Variants in MTA3 observed in about 807,000 individuals in gnomAD.
The protein encoded by MTA3 is metastasis associated 1 family member 3, also known as metastasis-associated protein MTA3.
A neutral mutation model predicts 83.5 loss-of-function variants in MTA3; 34 were observed. The observed-to-expected ratio is 0.41, with a 90% CI of 0.31 to 0.54. The LOEUF (loss-of-function observed/expected upper bound fraction) is 0.54, where lower values mean the gene tolerates loss of function less well. Among genes scored for constraint, MTA3 ranks in the 20% least tolerant of loss-of-function variants. MTA3 has a pLI of 0.33. For missense variants in MTA3, 761 were observed against 726.4 expected (o/e 1.05, Z -0.55); for synonymous variants, 303 against 252.7 (o/e 1.20, Z -1.89).
In MTA3 at chr2:42,541,183, C is replaced by G. The variant is rs535774351; in HGVS notation, c.-140-29254C>G. On this transcript the variant is annotated intron_variant, in intron 2 of 17. Transcript: ENST00000405592. ...AGTAGCTGGGATTACAGGCATGCAC[C>G]ACCATGCCCGGCTAATTTTGTATTT... 2.8e-4 allele frequency among the ~76,000 whole-genome samples: 42 copies of G among 152,154 alleles called. 1 individual carries two copies. Among genetic ancestry groups the G allele is most frequent in the African/African-American group, 1.0e-3 (42 of 41,510 alleles).
chr2:42,722,764 G>C, intron 15 of MTA3, 125 bp from the exon 16 acceptor site: 1 of 1,130,926 alleles, frequency 8.8e-7, no homozygotes, highest in Non-Finnish European at 1.2e-6. Flanking sequence ...CAAGTCCTTG[G>C]CTGGCTCAGG....
chr2:42,681,888 C>T (rs2104436529), intron 8 of MTA3, among the ~76,000 whole-genome samples: 1 of 146,126 alleles, frequency 6.8e-6, no homozygotes, highest in East Asian at 2.0e-4. Flanking sequence ...AAGAGCCTAT[C>T]TCAAAAAAAG....
rs868686238 is a variant in MTA3 at position 42,568,682 on chromosome 2, G to T, written c.-64G>T. The T allele has an allele frequency of 1.4e-4, 167 of 1,176,686 alleles. No homozygotes were observed. The Middle Eastern group carries it at 4.3e-3, about 30-fold the overall frequency. The allele number at this position is 1,176,686 out of a possible 1,614,324, so 72.9% of individuals were successfully genotyped here. A position where few individuals can be genotyped will look rare whatever the true frequency, so the allele number is the denominator to read the frequency against. On this transcript the variant is annotated 5_prime_UTR_variant, in exon 1 of 17. Transcript: ENST00000405094. ...GGCGGCAGCGGCGGTCGCGGCTGAG[G>T]CTGAGGAGGAGGCGGCGGCGGCGGG...
At chr2:42,680,058 A>G (rs1232225549) in intron 8 of MTA3, 3 of 152,604 alleles carry the variant, frequency 2.0e-5, no homozygotes, top group Non-Finnish European at 4.4e-5. Context: ...ACTGAGAAGA[A>G]TCCTATCTGG....
intron 16 of MTA3, among the ~76,000 whole-genome samples, chr2:42,737,760 C>G (rs1034388790): frequency 6.6e-6 from 1 of 152,154 alleles, no homozygotes; most frequent in Non-Finnish European, 1.5e-5. Flanking sequence ...TGCCCAAAGT[C>G]GCATTGCTAG....
chr2:42,704,511 C>T (rs969676402), intron 12 of MTA3, among the ~76,000 whole-genome samples, 193 bp downstream of exon 12: 1 of 152,164 alleles, frequency 6.6e-6, no homozygotes, highest in African/African-American at 2.4e-5. Flanking sequence ...TTATTACGTA[C>T]CACACACTCA....
rs184910286 is a variant in MTA3, at chr2:42,528,609, A to C, written c.-141+33355A>C. On this transcript the variant is annotated intron_variant, in intron 2 of 17. Transcript: ENST00000405592. ...GTAAAGGAGCACAGTTTTTAGAGACAGACCTGGTCATTTGAATCTTGGCTT... is the reference window on the plus strand; with the variant it reads ...GTAAAGGAGCACAGTTTTTAGAGACCGACCTGGTCATTTGAATCTTGGCTT... 2.2e-3 allele frequency among the ~76,000 whole-genome samples: 337 copies of C among 152,340 alleles called. 2 individuals are homozygous for C. Among genetic ancestry groups the C allele is most frequent in the African/African-American group, 6.9e-3 (286 of 41,570 alleles).
chr2:42,749,669 T>C (rs1190119946), intron 16 of MTA3, among the ~76,000 whole-genome samples: 1 of 152,094 alleles, frequency 6.6e-6, no homozygotes, highest in African/African-American at 2.4e-5. Flanking sequence ...GGTTTTGTCG[T>C]GTTGGCCAGG....
chr2:42,566,995 G>A (rs1677942205), upstream of MTA3, among the ~76,000 whole-genome samples: 1 of 152,164 alleles, frequency 6.6e-6, no homozygotes. Context: ...GAATGTTTTT[G>A]GTGGGATCTC....
At chr2:42,519,654 G>C (rs960289003) in intron 2 of MTA3, among the ~76,000 whole-genome samples, 1 of 150,878 alleles carries the variant, frequency 6.6e-6, no homozygotes, top group African/African-American at 2.4e-5. Flanking sequence ...ACGCATCTTA[G>C]TCCCAGCTAC....
In MTA3 at chr2:42,697,810, T is replaced by C; in HGVS notation, c.1001T>C (p.Leu334Pro). 1 of 1,545,300 alleles carries C rather than the reference T, an allele frequency of 6.5e-7. No homozygotes were observed. Among genetic ancestry groups the C allele is most frequent in the Non-Finnish European group, 8.7e-7 (1 of 1,147,520 alleles). ...AAAGCAGCAGAAGCTGAGAGTAAACTGAAACAAGTATATATCCCAACCTAG... is the reference window on the plus strand; with the variant it reads ...AAAGCAGCAGAAGCTGAGAGTAAACCGAAACAAGTATATATCCCAACCTAG... ...RLKAAEAESKLKQVYIPTYSK... is the reference protein window; with the variant it reads ...RLKAAEAESKPKQVYIPTYSK... Residue 334 changes from leucine to proline, a missense_variant, in exon 11 of 17, where the codon CTG (leucine) becomes CCG (proline). Leu to Pro is a moderately conservative substitution (Grantham distance 98). Coordinates refer to ENST00000405094, the MANE Select transcript of MTA3 (RefSeq NM_001330442.2).
chr2:42,703,580 TA>T (rs1474574093), intron 11 of MTA3: 35 of 152,350 alleles, frequency 2.3e-4, no homozygotes, highest in Admixed American at 1.7e-3. Flanking sequence ...TTATAAACGA[TA>T]ACTTGTCTCT....
At chr2:42,672,977 G>A (rs1304859760) in intron 8 of MTA3, among the ~76,000 whole-genome samples, 1 of 151,758 alleles carries the variant, frequency 6.6e-6, no homozygotes, top group Admixed American at 6.6e-5. Flanking sequence ...CTCCCAAGTG[G>A]CTGGGATTAC....
chr2:42,520,685 C>T (rs969223542), intron 2 of MTA3, among the ~76,000 whole-genome samples: 2 of 151,970 alleles, frequency 1.3e-5, no homozygotes, highest in South Asian at 2.1e-4. Flanking sequence ...CCCACCTCAA[C>T]GTCCCAAGTA....
At chr2:42,528,338 G>A (rs972161307) in intron 2 of MTA3, among the ~76,000 whole-genome samples, 4 of 151,956 alleles carry the variant, frequency 2.6e-5, no homozygotes, top group Non-Finnish European at 5.9e-5. Context: ...TCCTGCCTCA[G>A]CCTCCCAAGT....
chr2:42,542,429 A>G lies in MTA3; in HGVS notation c.-140-28008A>G, dbSNP rs116060162. Among the ~76,000 whole-genome samples, 671 of 152,362 alleles carry G rather than the reference A, an allele frequency of 4.4e-3. 4 individuals carry two copies. Among genetic ancestry groups the G allele is most frequent in the African/African-American group, 0.015 (639 of 41,586 alleles). On this transcript the variant is annotated intron_variant, in intron 2 of 17. Transcript: ENST00000405592. The stretch of plus-strand genomic sequence containing the variant: ...ATTAGTCAGGGTTCTTTAGAGGGAC[A>G]GAACCAATGGAATATATATATTCAA...
chr2:42,560,623 G>T (rs1240321365), intron 2 of MTA3, among the ~76,000 whole-genome samples: 1 of 151,142 alleles, frequency 6.6e-6, no homozygotes, highest in African/African-American at 2.4e-5. Context: ...AAAACCCCAG[G>T]GCGTGGCACG....
chr2:42,581,172 TTATGA>T (rs1259417429), intron 3 of MTA3, among the ~76,000 whole-genome samples: 3 of 152,190 alleles, frequency 2.0e-5, no homozygotes, highest in African/African-American at 4.8e-5. Flanking sequence ...AAAGTGTTCA[TTATGA>T]TATGAGTTCT....
chr2:42,510,446 T>C (rs568886994), intron 2 of MTA3, among the ~76,000 whole-genome samples: 97 of 152,226 alleles, frequency 6.4e-4, no homozygotes, highest in Admixed American at 2.2e-3. Context: ...GCTCCCATCA[T>C]GTCTGGGTCC....
Sources: allele counts gnomAD v4.1 joint callset (sites outside exome capture counted in the v4.1 genomes callset), GRCh38; gene constraint gnomAD v4.1.1; transcripts MANE v1.5; gene names NCBI Gene and HGNC (gene_info 2026-07-23, HGNC 2026-07-21).